The following INVS variants were observed in gnomAD, a reference collection of about 807,000 sequenced individuals.
INVS encodes inversion of embryo turning homolog.
INVS carries 86 observed loss-of-function variants against 108.8 expected under a neutral mutation model. The observed-to-expected ratio is 0.79, with a 90% CI of 0.66 to 0.95. The LOEUF is 0.95. Among genes scored for constraint, INVS ranks in the 40% least tolerant of loss-of-function variants. The pLI is 0.00. For synonymous variants in INVS, 455 were observed against 473.5 expected, an observed-to-expected ratio of 0.96 and a Z score of 0.51; for missense variants, 1,169 against 1,297.4, an observed-to-expected ratio of 0.90 and a Z score of 1.52.
chr9:100,294,090 C>T (rs900805579), intron 14 of INVS, among the ~76,000 whole-genome samples: 1 of 152,146 alleles, frequency 6.6e-6, no homozygotes, highest in Non-Finnish European at 1.5e-5. Context: ...ATCGCTTGAG[C>T]CCAGGAGGTC....
At chr9:100,243,724 A>T (rs181306820) in intron 7 of INVS, among the ~76,000 whole-genome samples, 5 of 152,116 alleles carry the variant, frequency 3.3e-5, no homozygotes, top group Non-Finnish European at 7.4e-5. Flanking sequence ...TAATAATACT[A>T]TCAGGCCGGA....
At chr9:100,116,675 A>T (rs983045713) in intron 2 of INVS, 4 of 421,820 alleles carry the variant, frequency 9.5e-6, no homozygotes, top group African/African-American at 8.2e-5. Context: ...TGCTTCTAAA[A>T]GTTTTATATA....
chr9:100,282,504 TAAC>T (rs1833312537), intron 12 of INVS, among the ~76,000 whole-genome samples: 1 of 152,242 alleles, frequency 6.6e-6, no homozygotes, highest in African/African-American at 2.4e-5. Flanking sequence ...AAGGGGAATT[TAAC>T]AAGTTGACAA....
intron 3 of INVS, among the ~76,000 whole-genome samples, chr9:100,133,764 T>TACACACACACACACACACAC (rs147744972): frequency 0.024 from 2,982 of 123,736 alleles, 124 homozygotes; most frequent in Admixed American, 0.046. Flanking sequence ...CTGCCAAAGC[T>TACACACACACACACACACAC]ACACACACAC....
chr9:100,284,555 C>T lies in INVS; in HGVS notation c.2020C>T (p.Gln674Ter). The T allele has an allele frequency of 6.2e-7, 1 of 1,613,874 alleles. No individual in the cohort carries two copies. Among genetic ancestry groups the T allele is most frequent in the Non-Finnish European group, 8.5e-7 (1 of 1,179,832 alleles). ...GSLGGALQKE[Q>*]HVSSDLQGTN... ...TCTAGGCGGAGCCCTCCAGAAGGAG[C>T]AGCATGTTTCCTCAGATTTGCAGGG... Residue 674 changes from glutamine (Q) to a stop codon, truncating the protein, a stop_gained, in exon 13 of 17, where the codon CAG becomes TAG. Coordinates refer to ENST00000262457, the MANE Select transcript of INVS (RefSeq NM_014425.5). LOFTEE classifies it high-confidence loss of function.
chr9:100,297,763 A>G (rs1219342693), intron 15 of INVS, among the ~76,000 whole-genome samples, 173 bp from the exon 16 acceptor site: 1 of 152,222 alleles, frequency 6.6e-6, no homozygotes, highest in East Asian at 1.9e-4. Flanking sequence ...TTTAACATTC[A>G]TTTAGCAAAA....
intron 3 of INVS, among the ~76,000 whole-genome samples, chr9:100,193,926 T>G (rs1830298023): frequency 6.6e-6 from 1 of 152,200 alleles, no homozygotes; most frequent in South Asian, 2.1e-4. Flanking sequence ...TTTACAGGCG[T>G]AAGCAACAGC....
intron 10 of INVS, among the ~76,000 whole-genome samples, chr9:100,258,579 T>G (rs1832505365): frequency 6.6e-6 from 1 of 152,202 alleles, no homozygotes. Context: ...ATGATGGTGA[T>G]GTACAGATGG....
intron 3 of INVS, among the ~76,000 whole-genome samples, chr9:100,191,145 A>G (rs899965068): frequency 1.3e-5 from 2 of 152,140 alleles, no homozygotes; most frequent in African/African-American, 4.8e-5. Context: ...GGCATTAGCT[A>G]CTGGGTCCAG....
In INVS at chr9:100,141,547, C is replaced by T. The variant is rs143347198; in HGVS notation, c.273+14998C>T. On this transcript the variant is annotated intron_variant, in intron 3 of 16. Coordinates refer to ENST00000262457, the MANE Select transcript of INVS (RefSeq NM_014425.5). Reference sequence around the variant, plus strand: ...TGTCTAACAGAAGGGAAAAAATGACCGCGGTGGCCTTCTCAGACCCTGTAG... The same window carrying T: ...TGTCTAACAGAAGGGAAAAAATGACTGCGGTGGCCTTCTCAGACCCTGTAG... Among the ~76,000 whole-genome samples the T allele has an allele frequency of 6.5e-3, 989 of 152,178 alleles. 9 individuals are homozygous for T. Among genetic ancestry groups the T allele is most frequent in the African/African-American group, 0.023 (953 of 41,512 alleles).
intron 10 of INVS, among the ~76,000 whole-genome samples, chr9:100,258,545 ATGG>A (rs1832503183): frequency 6.6e-6 from 1 of 152,018 alleles, no homozygotes; most frequent in Admixed American, 6.5e-5. Flanking sequence ...TTGTGGTTTT[ATGG>A]TCTTTGGTCT....
intron 3 of INVS, among the ~76,000 whole-genome samples, chr9:100,221,371 T>C (rs937146187): frequency 6.6e-6 from 1 of 151,714 alleles, no homozygotes; most frequent in Non-Finnish European, 1.5e-5. Flanking sequence ...GGCACAATCA[T>C]GGCTTACTGC....
At chr9:100,228,267 A>C (rs1831398463) in intron 4 of INVS, among the ~76,000 whole-genome samples, 1 of 152,242 alleles carries the variant, frequency 6.6e-6, no homozygotes, top group South Asian at 2.1e-4. Context: ...CCGGGATTAC[A>C]GGCATGAGCC....
intron 5 of INVS, among the ~76,000 whole-genome samples, chr9:100,236,411 G>A (rs1171146036): frequency 1.3e-5 from 2 of 152,322 alleles, no homozygotes; most frequent in South Asian, 2.1e-4. Flanking sequence ...GCAAGGACTT[G>A]TGATCTTTTG....
intron 3 of INVS, chr9:100,215,352 A>G (rs1366460052): frequency 6.6e-6 from 1 of 152,212 alleles, no homozygotes; most frequent in Non-Finnish European, 1.5e-5. Context: ...CAAATTTTCA[A>G]AACAGATGTA....
chr9:100,220,135 T>A (rs1387013962), intron 3 of INVS, among the ~76,000 whole-genome samples: 1 of 151,816 alleles, frequency 6.6e-6, no homozygotes, highest in Non-Finnish European at 1.5e-5. Context: ...GTGCTTTTTT[T>A]TTAAAAAAAG....
intron 6 of INVS, among the ~76,000 whole-genome samples, chr9:100,241,035 G>A (rs905936989): frequency 5.3e-5 from 8 of 151,998 alleles, no homozygotes; most frequent in East Asian, 1.9e-4. Flanking sequence ...ACCTATTTAA[G>A]ACAAAAAATT....
chr9:100,214,051 A>T (rs962596127), intron 3 of INVS, among the ~76,000 whole-genome samples: 8 of 152,196 alleles, frequency 5.3e-5, no homozygotes, highest in African/African-American at 1.9e-4. Context: ...TATCTTACCA[A>T]GAGAGACTAG....
intron 3 of INVS, among the ~76,000 whole-genome samples, chr9:100,126,772 A>T (rs1392378342): frequency 1.3e-5 from 2 of 152,154 alleles, no homozygotes; most frequent in African/African-American, 4.8e-5. Context: ...TTATTCTGTG[A>T]TCTAAAGTTT....
Sources: gnomAD v4.1 joint callset for allele counts (sites outside exome capture counted in the v4.1 genomes callset) on GRCh38, gnomAD v4.1.1 for gene constraint, MANE v1.5 for transcripts, NCBI Gene and HGNC (gene_info 2026-07-23, HGNC 2026-07-21) for gene names.